Variants in IQGAP3 observed in about 807,000 individuals in gnomAD.
The protein encoded by IQGAP3 is IQ motif containing GTPase activating protein 3, also known as ras GTPase-activating-like protein IQGAP3.
Under a neutral mutation model 208.2 loss-of-function variants are expected in IQGAP3, and 165 were observed. That is an observed-to-expected ratio of 0.79 (90% CI 0.70 to 0.90). The LOEUF (loss-of-function observed/expected upper bound fraction) is 0.90, where lower values mean the gene tolerates loss of function less well. IQGAP3 is among the 40% of genes least tolerant of loss of function. The probability of loss-of-function intolerance (pLI) is 0.00; values close to 1 mark genes in which losing one functional copy is unlikely to be tolerated. For synonymous variants in IQGAP3, 703 were observed against 803.6 expected, an observed-to-expected ratio of 0.87 and a Z score of 2.12; for missense variants, 1,811 against 2,043.1, an observed-to-expected ratio of 0.89 and a Z score of 2.19.
chr1:156,530,112 A>C lies in IQGAP3; in HGVS notation c.4397T>G (p.Leu1466Arg). ...RNGYQGLVDE[L>R]AKDIRNQHRH... Reference sequence around the variant, plus strand: ...CCAGGCCCAGGTTGTTACCTTGGCCAGCTCGTCCACTAGCCCCTGGTAGCC... The same window carrying C: ...CCAGGCCCAGGTTGTTACCTTGGCCCGCTCGTCCACTAGCCCCTGGTAGCC... The change falls in exon 34 of 38, where the codon CTG (leucine) becomes CGG (arginine). Residue 1466 changes from leucine (L) to arginine (R), a missense_variant. By Grantham distance (102) the Leu-to-Arg change is moderately radical. Transcript: ENST00000361170. 1 of 1,599,090 alleles carries C rather than the reference A, an allele frequency of 6.3e-7. No homozygotes were observed. Among genetic ancestry groups the C allele is most frequent in the Non-Finnish European group, 8.5e-7 (1 of 1,172,538 alleles).
chr1:156,569,631 G>A (rs1357547581), intron 1 of IQGAP3, among the ~76,000 whole-genome samples, 168 bp from the exon 2 acceptor site: 3 of 137,220 alleles, frequency 2.2e-5, no homozygotes, highest in Admixed American at 8.8e-5. Context: ...CCATTCTCCT[G>A]CGTCAGCCTC....
chr1:156,565,992 T>C (rs1410436142), intron 4 of IQGAP3, 35 bp downstream of exon 4: 1 of 1,526,060 alleles, frequency 6.6e-7, no homozygotes. Flanking sequence ...TGGTAAGGAG[T>C]AAAGATGAAT....
intron 10 of IQGAP3, 61 bp from the exon 11 acceptor site, chr1:156,561,082 G>T: frequency 8.0e-7 from 1 of 1,253,278 alleles, no homozygotes; most frequent in South Asian, 1.2e-5. Flanking sequence ...CATGCTTTAC[G>T]AGTTGCCAGC....
In IQGAP3 at chr1:156,539,050, C is replaced by T; in HGVS notation, c.3057-17G>A. ...ACCTTTGACCTGTGGTTTAAGAGGT[C>T]ATTGAAACCAGTCTTCTGCCTCTGT... On this transcript the variant is annotated splice_polypyrimidine_tract_variant and intron_variant, in intron 25 of 37. Coordinates refer to ENST00000361170, the MANE Select transcript of IQGAP3 (RefSeq NM_178229.5). 6.2e-7 allele frequency: 1 copy of T among 1,603,504 alleles called. No homozygotes were observed. The highest frequency in any genetic ancestry group is 8.5e-7 in the Non-Finnish European group (1 of 1,172,290).
rs756043622 is a variant in IQGAP3 at position 156,566,322 on chromosome 1, C to A, written c.282+68G>T. On this transcript the variant is annotated intron_variant, in intron 3 of 37. Transcript: ENST00000361170. ...CAATAAGTTATATGGTCACTCTACC[C>A]TCACAGCTTTGAGGAGAAAGCATAG... 2.2e-5 allele frequency: 33 copies of A among 1,508,120 alleles called. No individual in the cohort carries two copies. In the Admixed American group the frequency reaches 3.8e-4, roughly 17 times the overall value. 93.4% of individuals were successfully genotyped at this position (1,508,120 alleles called of 1,614,324 possible).
chr1:156,556,318 C>T (rs1481254296), intron 12 of IQGAP3, among the ~76,000 whole-genome samples: 1 of 152,210 alleles, frequency 6.6e-6, no homozygotes, highest in East Asian at 1.9e-4. Flanking sequence ...CTCATAGGGT[C>T]CTTTTAAGGA....
chr1:156,544,520 G>A (rs752519032), intron 19 of IQGAP3, 48 bp from the exon 20 acceptor site: 2 of 1,498,428 alleles, frequency 1.3e-6, no homozygotes, highest in Admixed American at 1.7e-5. Context: ...GTCTCCTTTG[G>A]CCAGAAAGGC....
intron 37 of IQGAP3, among the ~76,000 whole-genome samples, chr1:156,527,459 C>A (rs189490805): frequency 1.3e-5 from 2 of 152,052 alleles, no homozygotes; most frequent in African/African-American, 2.4e-5. Context: ...GCCTGGGTGA[C>A]GGAGTAAGGC....
At position 156,562,603 on chromosome 1, in the gene IQGAP3, AT is replaced by A. The variant is rs1676210767; in HGVS notation, c.860del (p.Asn287IlefsTer11). On this transcript the variant is annotated frameshift_variant, in exon 9 of 38. Transcript: ENST00000361170. LOFTEE classifies it high-confidence loss of function. ...HYLTQAEIQG[N>X]INHVNVHGAL... is the part of the protein sequence containing the mutation. Reference sequence around the variant, plus strand: ...GTCTCTTACCGTTGACATGGTTGATATTGCCCTGGATTTCAGCCTGAGTTAG... The same window carrying A: ...GTCTCTTACCGTTGACATGGTTGATATGCCCTGGATTTCAGCCTGAGTTAG... 1 of 1,613,818 alleles carries A rather than the reference AT, an allele frequency of 6.2e-7. No individual in the cohort carries two copies. The highest frequency in any genetic ancestry group is 8.5e-7 in the Non-Finnish European group (1 of 1,179,886).
At chr1:156,528,102 TCCAGG>T (rs1439964792) in intron 36 of IQGAP3, 42 bp from the exon 37 acceptor site, 2 of 1,462,218 alleles carry the variant, frequency 1.4e-6, no homozygotes, top group Non-Finnish European at 1.9e-6. Context: ...ACTGCCTCTT[TCCAGG>T]GCTACAGCCA....
At chr1:156,556,750 T>C in intron 11 of IQGAP3, 57 bp from the exon 12 acceptor site, 1 of 1,430,522 alleles carries the variant, frequency 7.0e-7, no homozygotes, top group South Asian at 1.5e-5. Context: ...GCATCTCCAC[T>C]CTCCTCACCA....
chr1:156,535,063 T>C (rs1674625990), intron 28 of IQGAP3, 100 bp downstream of exon 28: 3 of 917,690 alleles, frequency 3.3e-6, no homozygotes, highest in Non-Finnish European at 5.3e-6. Context: ...TGGATTTTTA[T>C]GGCATAGGAT....
At position 156,533,089 on chromosome 1, in the gene IQGAP3, C is replaced by G. The variant is rs1184793695; in HGVS notation, c.3994G>C (p.Asp1332His). ...AGCTTGCTCAGGTCCGTGTGCCCAT[C>G]TGCAGCGATGCTCTCACCTGAGGTG... ...PDLIGESIAA[D>H]GHTDLSKLEV... The change falls in exon 32 of 38, where the codon GAT (aspartate) becomes CAT (histidine). Residue 1332 changes from aspartate to histidine, a missense_variant. Transcript: ENST00000361170. 6.2e-7 allele frequency: 1 copy of G among 1,614,030 alleles called. No homozygotes were observed. Among genetic ancestry groups the G allele is most frequent in the South Asian group, 1.1e-5 (1 of 91,076 alleles).
rs1181905797 is a variant in IQGAP3 at position 156,551,722 on chromosome 1, T to C, written c.1717A>G (p.Lys573Glu). 3 of 1,611,562 alleles carry C rather than the reference T, an allele frequency of 1.9e-6. No individual in the cohort carries two copies. The highest frequency in any genetic ancestry group is 1.1e-5 in the South Asian group (1 of 90,802). The stretch of plus-strand genomic sequence containing the variant: ...AACTTCACCTGGGCCTTCTGCCTTT[T>C]GGCTGCCACAAGGAGGAGATGGTAC... ...PRYHLLLVAA[K>E]RQKAQVTGDP... The change falls in exon 15 of 38, where the codon AAA becomes GAA. Residue 573 changes from lysine to glutamate, a missense_variant. Lys to Glu is a moderately conservative substitution (Grantham distance 56). Transcript: ENST00000361170.
Position 156,530,168 on chromosome 1 carries a change from A to C in IQGAP3, c.4341T>G (p.Leu1447=). The change falls in exon 34 of 38, where the codon CTT becomes CTG. Residue 1447 remains leucine, a synonymous_variant. Coordinates refer to ENST00000361170, the MANE Select transcript of IQGAP3 (RefSeq NM_178229.5). ...TGGCGCTGACCAACCCCAGGGCTTC[A>C]AGTCGGCGTAGGTTCCGCAGGACGC... is the stretch of plus-strand genomic sequence containing the variant. The part of the protein sequence containing the change: ...QRRVLRNLRR[L]EALGLVSARN... The C allele has an allele frequency of 6.2e-7, 1 of 1,611,350 alleles. No individual in the cohort carries two copies. Among genetic ancestry groups the C allele is most frequent in the Non-Finnish European group, 8.5e-7 (1 of 1,179,076 alleles).
At position 156,548,390 on chromosome 1, in the gene IQGAP3, G is replaced by A. The variant is rs754162155; in HGVS notation, c.2091C>T (p.Gly697=). 39 of 1,613,974 alleles carry A rather than the reference G, an allele frequency of 2.4e-5. No homozygotes were observed. The highest frequency in any genetic ancestry group is 3.2e-5 in the Non-Finnish European group (38 of 1,179,970). ...TCAGGTGAGAGGTGTTGAGGGGGCA[G>A]CCAGGAGGTTGCTCCCAGATCCCCT... ...TFQGIWEQPP[G]CPLNTSHLTR... is the part of the protein sequence containing the mutation. The change falls in exon 18 of 38, where the codon GGC becomes GGT. Residue 697 remains glycine, a synonymous_variant. Transcript: ENST00000361170.
Position 156,533,036 on chromosome 1 carries a change from C to G in IQGAP3, c.4047G>C (p.Lys1349Asn), listed in dbSNP as rs1426130644. Residue 1349 changes from lysine (K) to asparagine (N), a missense_variant, in exon 32 of 38, where the codon AAG becomes AAC. Transcript: ENST00000361170. ...KLEVSLTLTN[K>N]FEGLEADADD... ...CAGCATCTGCCTCTAGTCCTTCAAA[C>G]TTGTTGGTCAGCGTCAGGGACACTT... The G allele has an allele frequency of 6.2e-7, 1 of 1,614,002 alleles. No individual in the cohort carries two copies. The highest frequency in any genetic ancestry group is 8.5e-7 in the Non-Finnish European group (1 of 1,180,012).
intron 19 of IQGAP3, among the ~76,000 whole-genome samples, chr1:156,546,781 G>C (rs1424557988): frequency 6.6e-6 from 1 of 152,184 alleles, no homozygotes; most frequent in African/African-American, 2.4e-5. Flanking sequence ...CCCAAAGCCT[G>C]AGCTCTCAAT....
intron 10 of IQGAP3, 142 bp from the exon 11 acceptor site, chr1:156,561,163 C>A: frequency 1.7e-6 from 1 of 591,992 alleles, no homozygotes; most frequent in Non-Finnish European, 3.0e-6. Context: ...CTCACTCATC[C>A]CTATTAACCG....
Sources: gnomAD v4.1 joint callset for allele counts (sites outside exome capture counted in the v4.1 genomes callset) on GRCh38, gnomAD v4.1.1 for gene constraint, MANE v1.5 for transcripts, NCBI Gene and HGNC (gene_info 2026-07-23, HGNC 2026-07-21) for gene names.